EIF2D: variants seen among roughly 807,000 people sequenced by gnomAD.
EIF2D encodes the protein eukaryotic translation initiation factor 2D.
Under a neutral mutation model 77.4 loss-of-function variants are expected in EIF2D, and 56 were observed. That is an observed-to-expected ratio of 0.72 (90% CI 0.58 to 0.90). EIF2D has a LOEUF of 0.90. Ranked by LOEUF, EIF2D falls within the 40% of genes least tolerant of loss-of-function variation. EIF2D has a pLI of 0.00. For missense variants in EIF2D, 574 were observed against 706.5 expected, an observed-to-expected ratio of 0.81 and a Z score of 2.13; for synonymous variants, 230 against 271.0, an observed-to-expected ratio of 0.85 and a Z score of 1.49.
At chr1:206,610,611 G>A (rs778838675) in intron 2 of EIF2D, among the ~76,000 whole-genome samples, 18 of 152,122 alleles carry the variant, frequency 1.2e-4, no homozygotes, top group Non-Finnish European at 2.2e-4. Flanking sequence ...ATGAGGTCAG[G>A]AGATCAAGAT....
chr1:206,584,757 G>C lies in EIF2D; in HGVS notation c.139-3595C>G, dbSNP rs782637226. On this transcript the variant is annotated intron_variant and NMD_transcript_variant, in intron 2 of 5. Coordinates refer to the EIF2D transcript ENST00000472709. The surrounding 1 kb of genome is among the most constrained non-coding windows in gnomAD (Gnocchi z 4.9). Reference sequence around the variant, plus strand: ...TCCAAGCCCACCCACTAAAACTCCTGCCGGCCTTGGGTGGGAGCTGTGGGC... The same window carrying C: ...TCCAAGCCCACCCACTAAAACTCCTCCCGGCCTTGGGTGGGAGCTGTGGGC... 4 of 1,533,340 alleles carry C rather than the reference G, an allele frequency of 2.6e-6. No homozygotes were observed. Among genetic ancestry groups the C allele is most frequent in the Non-Finnish European group, 8.9e-7 (1 of 1,122,558 alleles). 95.0% of individuals were successfully genotyped at this position (1,533,340 alleles called of 1,614,324 possible).
chr1:206,583,208 T>G (rs1458984654), intron 2 of EIF2D: 5 of 1,122,132 alleles, frequency 4.5e-6, no homozygotes, highest in Non-Finnish European at 6.8e-6. Context: ...AGGGCGTGGT[T>G]GTTCCCTTTC....
chr1:206,578,189 G>A (rs1435065057), intron 4 of EIF2D, among the ~76,000 whole-genome samples: 10 of 151,592 alleles, frequency 6.6e-5, no homozygotes, highest in African/African-American at 2.4e-4. Flanking sequence ...TTGCACCAGT[G>A]CACTCTCGAC....
intron 6 of EIF2D, 24 bp from the exon 7 acceptor site, chr1:206,602,477 C>A: frequency 6.3e-7 from 1 of 1,597,596 alleles, no homozygotes; most frequent in Non-Finnish European, 8.6e-7. Flanking sequence ...ACAAGAGCCA[C>A]ATCCTTCCTG....
chr1:206,583,993 C>A (rs1553406924), intron 2 of EIF2D, among the ~76,000 whole-genome samples: 1 of 152,156 alleles, frequency 6.6e-6, no homozygotes, highest in Non-Finnish European at 1.5e-5. Flanking sequence ...ATCTAGTGGG[C>A]TGGTTCTCCA....
intron 2 of EIF2D, among the ~76,000 whole-genome samples, chr1:206,582,502 T>C (rs1668932469): frequency 6.6e-6 from 1 of 152,150 alleles, no homozygotes; most frequent in African/African-American, 2.4e-5. Context: ...AGACTTCTGG[T>C]TTGTGAGAAT....
intron 5 of EIF2D, among the ~76,000 whole-genome samples, chr1:206,604,122 AAGG>A (rs1231804708): frequency 6.6e-6 from 1 of 152,172 alleles, no homozygotes; most frequent in African/African-American, 2.4e-5. Flanking sequence ...TGTACCAGCA[AAGG>A]AGGACTTGGC....
At chr1:206,570,691 T>C (rs1482303563), downstream of EIF2D, among the ~76,000 whole-genome samples, 1 of 152,072 alleles carries the variant, frequency 6.6e-6, no homozygotes, top group Non-Finnish European at 1.5e-5. Context: ...CTTAGCTTAA[T>C]GTTTTCAAGG....
chr1:206,585,326 C>T (rs1553407395), intron 2 of EIF2D: 1 of 1,545,156 alleles, frequency 6.5e-7, no homozygotes, highest in Non-Finnish European at 8.9e-7. Context: ...CAAACCCAGG[C>T]CTTAGGGCAC....
intron 2 of EIF2D, among the ~76,000 whole-genome samples, chr1:206,610,434 C>T (rs145029622): frequency 0.012 from 1,771 of 151,938 alleles, 15 homozygotes; most frequent in Middle Eastern, 0.021. Flanking sequence ...TGGGAGGATC[C>T]CTTAAGCACA....
intron 7 of EIF2D, chr1:206,600,576 T>C (rs1669880732): frequency 2.4e-6 from 1 of 413,342 alleles, no homozygotes; most frequent in East Asian, 3.7e-5. Context: ...ATGTGGGTAG[T>C]AAGTACTTGA....
intron 4 of EIF2D, among the ~76,000 whole-genome samples, chr1:206,575,307 T>A (rs1668598589): frequency 6.6e-6 from 1 of 152,180 alleles, no homozygotes; most frequent in African/African-American, 2.4e-5. Flanking sequence ...TGGAGATGGC[T>A]TCCTTCCAAG....
Position 206,602,718 on chromosome 1 carries a change from G to A in EIF2D, c.784+233C>T, listed in dbSNP as rs1002430082. ...AGAAGAAACCTTGGAGGGCTTTGTA[G>A]CTGAAGACAGGCAAATGCCAGGGCA... On this transcript the variant is annotated intron_variant, in intron 6 of 14. Coordinates refer to ENST00000271764, the MANE Select transcript of EIF2D (RefSeq NM_006893.3). 3.2e-5 allele frequency: 22 copies of A among 680,270 alleles called. No individual in the cohort carries two copies. The African/African-American group carries it at 3.4e-4, about 11-fold the overall frequency. 42.1% of individuals were successfully genotyped at this position (680,270 alleles called of 1,614,324 possible). A position where few individuals can be genotyped will look rare whatever the true frequency, so the allele number is the denominator to read the frequency against.
rs782433121 is a variant in EIF2D at position 206,584,773 on chromosome 1, A to T, written c.139-3611T>A. ...AAAACTCCTGCCGGCCTTGGGTGGG[A>T]GCTGTGGGCTTCTCCTGAGCACCAG... On this transcript the variant is annotated intron_variant and NMD_transcript_variant, in intron 2 of 5. Coordinates refer to the EIF2D transcript ENST00000472709. This position sits in a 1 kb window ranked among gnomAD's most constrained non-coding sequence, Gnocchi z 4.9. 2.8e-6 allele frequency: 4 copies of T among 1,411,200 alleles called. No homozygotes were observed. Among genetic ancestry groups the T allele is most frequent in the Non-Finnish European group, 3.9e-6 (4 of 1,022,384 alleles). The allele number at this position is 1,411,200 out of a possible 1,614,324, so 87.4% of individuals were successfully genotyped here.
chr1:206,581,151 C>T (rs1328148552), exon 3 of EIF2D: 1 of 152,208 alleles, frequency 6.6e-6, no homozygotes, highest in African/African-American at 2.4e-5. Context: ...AACTCAGCCT[C>T]AGTTTTGTTA....
chr1:206,593,690 G>A lies in EIF2D; in HGVS notation c.1613C>T (p.Pro538Leu), dbSNP rs145036685. 6.2e-7 allele frequency: 1 copy of A among 1,613,998 alleles called. No individual in the cohort carries two copies. Among genetic ancestry groups the A allele is most frequent in the Non-Finnish European group, 8.5e-7 (1 of 1,179,958 alleles). ...CACCTGAAGGCTGTCCTTGGCCCCA[G>A]GGGCAGGATTGACGGTGGTGCTAGC... ...CQASTTVNPAPGAKDSLQVQI... is the reference protein window; with the variant it reads ...CQASTTVNPALGAKDSLQVQI... Residue 538 changes from proline to leucine, a missense_variant, in exon 14 of 15, where the codon CCT becomes CTT. Transcript: ENST00000271764.
In EIF2D at chr1:206,585,377, A is replaced by C. The variant is rs1048812752; in HGVS notation, c.139-4215T>G. ...GTGGGTGTTGTCCTAACTACCTCAC[A>C]TAGGTGGGAGCCACGCAGCACGGGC... On this transcript the variant is annotated intron_variant and NMD_transcript_variant, in intron 2 of 5. Coordinates refer to the EIF2D transcript ENST00000472709. 3.0e-6 allele frequency: 3 copies of C among 994,558 alleles called. No homozygotes were observed. The African/African-American group carries it at 4.8e-5, about 16-fold the overall frequency. The allele number at this position is 994,558 out of a possible 1,614,324, so 61.6% of individuals were successfully genotyped here. A position where few individuals can be genotyped will look rare whatever the true frequency, so the allele number is the denominator to read the frequency against.
chr1:206,575,146 C>T (rs1553404963), intron 4 of EIF2D, among the ~76,000 whole-genome samples: 3 of 152,086 alleles, frequency 2.0e-5, no homozygotes, highest in African/African-American at 7.2e-5. Flanking sequence ...TCAAATCCAG[C>T]CCAGATAGAT....
rs1230145606 is a variant in EIF2D at position 206,579,234 on chromosome 1, A to C, written c.*254+1458T>G. Among the ~76,000 whole-genome samples, 1 of 152,198 alleles carries C rather than the reference A, an allele frequency of 6.6e-6. No individual in the cohort carries two copies. Among genetic ancestry groups the C allele is most frequent in the African/African-American group, 2.4e-5 (1 of 41,456 alleles). On this transcript the variant is annotated intron_variant and NMD_transcript_variant, in intron 4 of 5. Transcript: ENST00000472709. The surrounding 1 kb of genome is among the most constrained non-coding windows in gnomAD (Gnocchi z 4.2). The stretch of plus-strand genomic sequence containing the variant: ...CCACCAATGCCAGGGGCTTAATCGG[A>C]ATAGATGAATTCCATGCCAGATGCA...
Sources: gnomAD v4.1 joint callset for allele counts (sites outside exome capture counted in the v4.1 genomes callset) on GRCh38, gnomAD v4.1.1 for gene constraint, Gnocchi (gnomAD v3.1) non-coding constraint, MANE v1.5 for transcripts, NCBI Gene and HGNC (gene_info 2026-07-23, HGNC 2026-07-21) for gene names.